SORBS3: variants seen among roughly 807,000 people sequenced by gnomAD.
SORBS3 encodes the protein vinexin.
In SORBS3, 69 loss-of-function variants were observed where a neutral mutation model predicts 98.0. The observed-to-expected ratio is 0.70, with a 90% CI of 0.58 to 0.86. SORBS3 has a LOEUF of 0.86. Among genes scored for constraint, SORBS3 ranks in the 40% least tolerant of loss-of-function variants. The pLI is 0.00. For synonymous variants in SORBS3, 394 were observed against 355.4 expected, an observed-to-expected ratio of 1.11 and a Z score of -1.22; for missense variants, 954 against 908.5, an observed-to-expected ratio of 1.05 and a Z score of -0.64.
chr8:22,564,225 C>CTA, intron 8 of SORBS3, 58 bp from the exon 9 acceptor site: 1 of 1,521,822 alleles, frequency 6.6e-7, no homozygotes, highest in Non-Finnish European at 9.0e-7. Flanking sequence ...GCATTTTGAG[C>CTA]CTGGCCAGTG....
intron 19 of SORBS3, among the ~76,000 whole-genome samples, 164 bp downstream of exon 19, chr8:22,571,985 C>T (rs1013679282): frequency 2.0e-5 from 3 of 152,172 alleles, no homozygotes; most frequent in Non-Finnish European, 4.4e-5. Flanking sequence ...AGGGAGGAGG[C>T]GCTGGTCTGT....
chr8:22,546,692 A>G (rs2469769), intron 1 of SORBS3, among the ~76,000 whole-genome samples: 74,712 of 152,116 alleles, frequency 0.49, 18,522 homozygotes, highest in East Asian at 0.61. Flanking sequence ...ATGACTGTGC[A>G]TGTGATCCTA....
chr8:22,574,552 C>G, intron 20 of SORBS3, 115 bp from the exon 21 acceptor site: 1 of 985,678 alleles, frequency 1.0e-6, no homozygotes, highest in Non-Finnish European at 1.5e-6. Flanking sequence ...TCTCTGGGCT[C>G]CCCTACAGAA....
intron 7 of SORBS3, among the ~76,000 whole-genome samples, chr8:22,563,782 A>G (rs574656889): frequency 2.6e-5 from 4 of 152,192 alleles, no homozygotes; most frequent in Admixed American, 6.5e-5. Context: ...CAAAGGTTAC[A>G]CATCCACTAA....
intron 10 of SORBS3, 102 bp from the exon 11 acceptor site, chr8:22,565,166 G>A: frequency 1.3e-6 from 2 of 1,481,834 alleles, no homozygotes; most frequent in Non-Finnish European, 1.8e-6. Context: ...CCCTTACGCC[G>A]GCCCGGTGCG....
At chr8:22,561,810 G>A in intron 6 of SORBS3, 55 bp from the exon 7 acceptor site, 1 of 1,504,980 alleles carries the variant, frequency 6.6e-7, no homozygotes, top group Non-Finnish European at 9.3e-7. Flanking sequence ...CTCAGCCCCA[G>A]TCACGGCCTG....
At chr8:22,557,676 G>C (rs1186948520) in intron 4 of SORBS3, among the ~76,000 whole-genome samples, 1 of 152,116 alleles carries the variant, frequency 6.6e-6, no homozygotes, top group Non-Finnish European at 1.5e-5. Context: ...AGCTAGGCAA[G>C]GTGGTGCACG....
intron 7 of SORBS3, among the ~76,000 whole-genome samples, chr8:22,562,840 G>GTGAGCCCA (rs1840323355): frequency 6.6e-6 from 1 of 152,254 alleles, no homozygotes; most frequent in South Asian, 2.1e-4. Flanking sequence ...TACAAGGCTG[G>GTGAGCCCA]GTGTGGTGGC....
intron 1 of SORBS3, among the ~76,000 whole-genome samples, chr8:22,553,296 G>A (rs1042607856): frequency 2.0e-5 from 3 of 152,018 alleles, no homozygotes; most frequent in Non-Finnish European, 4.4e-5. Flanking sequence ...AGCTCCTCCC[G>A]ATGCATTTGC....
At position 22,554,929 on chromosome 8, in the gene SORBS3, A is replaced by T; in HGVS notation, c.169A>T (p.Thr57Ser). The change falls in exon 3 of 21, where the codon ACT becomes TCT. Residue 57 changes from threonine (T) to serine (S), a missense_variant. Physicochemically the swap from Thr to Ser is moderately conservative, Grantham distance 58. Coordinates refer to ENST00000240123, the MANE Select transcript of SORBS3 (RefSeq NM_005775.5). The surrounding 1 kb of genome is among the most constrained non-coding windows in gnomAD (Gnocchi z 6.5). ...CCAGTTCCACGACCCCGCGCCCAGG[A>T]CTGTGTGCAATGGGGGCTACACACC... ...NFQFHDPAPRTVCNGGYTPRR... is the reference protein window; with the variant it reads ...NFQFHDPAPRSVCNGGYTPRR... 1 of 1,613,412 alleles carries T rather than the reference A, an allele frequency of 6.2e-7. No homozygotes were observed. Among genetic ancestry groups the T allele is most frequent in the Non-Finnish European group, 8.5e-7 (1 of 1,179,872 alleles).
At chr8:22,571,586 C>T (rs187955017) in intron 18 of SORBS3, 132 bp from the exon 19 acceptor site, 505 of 685,202 alleles carry the variant, frequency 7.4e-4, no homozygotes, top group Admixed American at 2.1e-3. Context: ...GGTTTGGAGG[C>T]TAAGATGAAG....
intron 17 of SORBS3, among the ~76,000 whole-genome samples, 169 bp from the exon 18 acceptor site, chr8:22,570,741 G>A (rs996387340): frequency 6.6e-6 from 1 of 152,136 alleles, no homozygotes; most frequent in African/African-American, 2.4e-5. Flanking sequence ...CCTGGGCTTG[G>A]CTCCTGGCTC....
Position 22,554,807 on chromosome 8 carries a change from T to TGCCAAC in SORBS3, c.103-56_103-55insGCCAAC. On this transcript the variant is annotated intron_variant, in intron 2 of 20. Coordinates refer to ENST00000240123, the MANE Select transcript of SORBS3 (RefSeq NM_005775.5). The surrounding 1 kb of genome is among the most constrained non-coding windows in gnomAD (Gnocchi z 6.5). ...GGGTGTGGGCTGTGCCTAGTAGCCA[T>TGCCAAC]CCCTCCCTCCCGCCCTGCTGGGCCC... 1 of 1,428,608 alleles carries TGCCAAC rather than the reference T, an allele frequency of 7.0e-7. No homozygotes were observed. Among genetic ancestry groups the TGCCAAC allele is most frequent in the Non-Finnish European group, 9.8e-7 (1 of 1,020,752 alleles). The allele number at this position is 1,428,608 out of a possible 1,614,324, so 88.5% of individuals were successfully genotyped here. A position where few individuals can be genotyped will look rare whatever the true frequency, so the allele number is the denominator to read the frequency against.
chr8:22,548,867 C>T (rs1047753846), upstream of SORBS3, among the ~76,000 whole-genome samples: 3 of 152,212 alleles, frequency 2.0e-5, no homozygotes, highest in African/African-American at 7.2e-5. Context: ...CCTCATTTGT[C>T]ATCCTTGGTG....
Position 22,551,951 on chromosome 8 carries a change from G to C in SORBS3, c.-127G>C. 1.0e-6 allele frequency: 1 copy of C among 985,452 alleles called. No homozygotes were observed. Among genetic ancestry groups the C allele is most frequent in the Non-Finnish European group, 1.2e-6 (1 of 829,986 alleles). The allele number at this position is 985,452 out of a possible 1,614,324, so 61.0% of individuals were successfully genotyped here. ...CCTTCCTCCTCGAGCGCCCGCGCCA[G>C]GCAGCAGCCGGGCAGGGATGCTCCT... On this transcript the variant is annotated 5_prime_UTR_variant, in exon 1 of 21. Coordinates refer to ENST00000240123, the MANE Select transcript of SORBS3 (RefSeq NM_005775.5). The surrounding 1 kb of genome is among the most constrained non-coding windows in gnomAD (Gnocchi z 5.8).
intron 5 of SORBS3, among the ~76,000 whole-genome samples, chr8:22,560,056 CA>C (rs968530613): frequency 2.7e-3 from 263 of 96,664 alleles, no homozygotes; most frequent in South Asian, 3.4e-3. Flanking sequence ...GACTCAGTCT[CA>C]AAAAAAAAAA....
chr8:22,562,166 C>T (rs1166560419), intron 7 of SORBS3, among the ~76,000 whole-genome samples: 1 of 152,216 alleles, frequency 6.6e-6, no homozygotes, highest in Non-Finnish European at 1.5e-5. Flanking sequence ...ACCTGGCACC[C>T]GCTCCTGGCC....
intron 16 of SORBS3, among the ~76,000 whole-genome samples, chr8:22,567,848 C>CTT (rs35668704): frequency 0.12 from 17,138 of 142,472 alleles, 1,270 homozygotes; most frequent in Admixed American, 0.22. Context: ...TCTTCTCTTT[C>CTT]TTTTTTTTTT....
Position 22,571,115 on chromosome 8 carries a change from C to A in SORBS3, c.1637C>A (p.Pro546His), listed in dbSNP as rs1454202780. Residue 546 changes from proline to histidine, a missense_variant, in exon 18 of 21, where the codon CCC (proline) becomes CAC (histidine). Coordinates refer to ENST00000240123, the MANE Select transcript of SORBS3 (RefSeq NM_005775.5). ...CGCTCAGCCCGTCACCCCAGCTCCCCCTCAGCCCTGCGCAGCCCAGCTGAC... is the reference window on the plus strand; with the variant it reads ...CGCTCAGCCCGTCACCCCAGCTCCCACTCAGCCCTGCGCAGCCCAGCTGAC... ...AARSARHPSS[P>H]SALRSPADPI... The A allele has an allele frequency of 3.1e-6, 5 of 1,608,566 alleles. No homozygotes were observed. In the Admixed American group the frequency reaches 6.7e-5, roughly 21 times the overall value.
Sources: gnomAD v4.1 joint callset for allele counts (sites outside exome capture counted in the v4.1 genomes callset) on GRCh38, gnomAD v4.1.1 for gene constraint, Gnocchi (gnomAD v3.1) non-coding constraint, MANE v1.5 for transcripts, NCBI Gene and HGNC (gene_info 2026-07-23, HGNC 2026-07-21) for gene names.